RNF6: variants seen among roughly 807,000 people sequenced by gnomAD.
RNF6 encodes the protein ring finger protein 6.
Under a neutral mutation model 50.1 loss-of-function variants are expected in RNF6, and 21 were observed. That is an observed-to-expected ratio of 0.42 (90% CI 0.30 to 0.60). The LOEUF is 0.60. Among genes scored for constraint, RNF6 ranks in the 20% least tolerant of loss-of-function variants. The pLI, the probability that RNF6 is intolerant of heterozygous loss-of-function variation, is 0.20. For missense variants in RNF6, 698 were observed against 838.2 expected, an observed-to-expected ratio of 0.83 and a Z score of 2.07; for synonymous variants, 255 against 291.8, an observed-to-expected ratio of 0.87 and a Z score of 1.29.
chr13:26,215,316 G>A lies in RNF6; in HGVS notation c.566C>T (p.Ser189Leu), dbSNP rs1433949433. The A allele has an allele frequency of 9.3e-6, 15 of 1,614,182 alleles. No individual in the cohort carries two copies. Among genetic ancestry groups the A allele is most frequent in the East Asian group, 4.5e-5 (2 of 44,892 alleles). ...TGTTCGCCTAGCCACAGGACTAGTT[G>A]ACCTTTGTTGCCTATTTGCAGTATG... Reference protein sequence around the residue: ...RDHTANRQQRSTSPVARRTRS... With the variant: ...RDHTANRQQRLTSPVARRTRS... Residue 189 changes from serine to leucine, a missense_variant, in exon 5 of 5, where the codon TCA (serine) becomes TTA (leucine). Transcript: ENST00000381588.
In RNF6 at chr13:26,154,322, G is replaced by T. The variant is rs138254571; in HGVS notation, n.769-21871C>A. The stretch of plus-strand genomic sequence containing the variant: ...ACTGGTCCTTTTCTAGAGCTATTTT[G>T]TCTTTTTTTGAAAGTACTGACTGTT... On this transcript the variant is annotated intron_variant and non_coding_transcript_variant, in intron 5 of 5. Transcript: ENST00000468480. 390 of 152,292 alleles carry T rather than the reference G, an allele frequency of 2.6e-3. 5 individuals carry two copies. Among genetic ancestry groups the T allele is most frequent in the African/African-American group, 9.0e-3 (376 of 41,572 alleles). The allele number at this position is 152,292 out of a possible 1,614,324, so 9.4% of individuals were successfully genotyped here.
rs576067996 is a variant in RNF6 at position 26,175,556 on chromosome 13, C to T, written n.768+39918G>A. On this transcript the variant is annotated intron_variant and non_coding_transcript_variant, in intron 5 of 5. Coordinates refer to the RNF6 transcript ENST00000468480. ...ACTTCCTAAGGTAAAGCTTGTCCTACCTGTCTTTGGCGTCCTGGTTACCAT... is the reference window on the plus strand; with the variant it reads ...ACTTCCTAAGGTAAAGCTTGTCCTATCTGTCTTTGGCGTCCTGGTTACCAT... Among the ~76,000 whole-genome samples, 4 of 152,298 alleles carry T rather than the reference C, an allele frequency of 2.6e-5. No individual in the cohort carries two copies. In the South Asian group the frequency reaches 8.3e-4, roughly 32 times the overall value.
Position 26,148,823 on chromosome 13 carries a change from A to T in RNF6, n.769-16372T>A, listed in dbSNP as rs559066041. ...AGCTGGAAACTCAGGAAAGCTAATG[A>T]TGTAATTCCAGTCCAAAGGCCAGCA... On this transcript the variant is annotated intron_variant and non_coding_transcript_variant, in intron 5 of 5. Transcript: ENST00000468480. 3.4e-3 allele frequency among the ~76,000 whole-genome samples: 508 copies of T among 151,368 alleles called. 3 individuals carry two copies. The highest frequency in any genetic ancestry group is 5.6e-3 in the Non-Finnish European group (379 of 67,856).
At chr13:26,147,480 G>C (rs759681015) in intron 5 of RNF6, among the ~76,000 whole-genome samples, 4 of 152,230 alleles carry the variant, frequency 2.6e-5, no homozygotes, top group Admixed American at 2.0e-4. Flanking sequence ...TGGAGGAAGA[G>C]AGGCTTATAC....
chr13:26,155,525 G>A (rs1871871470), intron 5 of RNF6, among the ~76,000 whole-genome samples: 2 of 152,186 alleles, frequency 1.3e-5, no homozygotes, highest in South Asian at 4.1e-4. Context: ...ATATGAGTTA[G>A]GTATGGGTAT....
At chr13:26,188,429 A>G (rs1873656247) in intron 5 of RNF6, among the ~76,000 whole-genome samples, 1 of 152,260 alleles carries the variant, frequency 6.6e-6, no homozygotes, top group African/African-American at 2.4e-5. Context: ...TCACTGTTGA[A>G]TAACTACTGG....
At chr13:26,170,490 A>AT (rs1263824390) in intron 5 of RNF6, among the ~76,000 whole-genome samples, 1 of 53,992 alleles carries the variant, frequency 1.9e-5, no homozygotes, top group East Asian at 7.1e-4. Flanking sequence ...CTAACTATCC[A>AT]TGCGTGAAGA....
At chr13:26,217,936 G>A (rs760117257) in intron 4 of RNF6, among the ~76,000 whole-genome samples, 1 of 152,010 alleles carries the variant, frequency 6.6e-6, no homozygotes, top group Non-Finnish European at 1.5e-5. Context: ...TAGACTTCAT[G>A]GTAACTAATA....
chr13:26,186,493 C>A (rs1396025676), intron 5 of RNF6, among the ~76,000 whole-genome samples: 2 of 152,198 alleles, frequency 1.3e-5, no homozygotes, highest in African/African-American at 2.4e-5. Context: ...TGGCAGTCAG[C>A]GGAGACGCTT....
At chr13:26,176,483 G>A (rs776821059) in intron 5 of RNF6, among the ~76,000 whole-genome samples, 18 of 152,174 alleles carry the variant, frequency 1.2e-4, no homozygotes, top group Non-Finnish European at 1.5e-4. Context: ...GACTTTTTGG[G>A]GGATTGAATT....
intron 5 of RNF6, among the ~76,000 whole-genome samples, chr13:26,173,849 G>A (rs143775282): frequency 2.0e-5 from 3 of 151,506 alleles, no homozygotes; most frequent in African/African-American, 7.3e-5. Flanking sequence ...TACTCGGGAG[G>A]CTGAGGCAGG....
intron 5 of RNF6, among the ~76,000 whole-genome samples, chr13:26,143,620 G>C (rs1306498475): frequency 1.3e-5 from 2 of 152,142 alleles, no homozygotes; most frequent in Non-Finnish European, 2.9e-5. Context: ...CTCCTGGCTA[G>C]GGGAGAAACA....
At chr13:26,186,667 C>T (rs1359907440) in intron 5 of RNF6, among the ~76,000 whole-genome samples, 6 of 152,250 alleles carry the variant, frequency 3.9e-5, no homozygotes, top group African/African-American at 9.6e-5. Context: ...GGCGCTATAC[C>T]TTCGGCCACA....
At chr13:26,181,132 G>A (rs1479218196) in intron 5 of RNF6, among the ~76,000 whole-genome samples, 2 of 152,108 alleles carry the variant, frequency 1.3e-5, no homozygotes, top group African/African-American at 4.8e-5. Flanking sequence ...ACAAGGCACC[G>A]GACTAGATCC....
intron 5 of RNF6, among the ~76,000 whole-genome samples, chr13:26,150,131 A>T (rs892047497): frequency 1.3e-5 from 2 of 151,232 alleles, no homozygotes; most frequent in African/African-American, 4.9e-5. Flanking sequence ...AGTATTATAC[A>T]CTTGAAGTGT....
chr13:26,161,398 A>G (rs765730869), intron 5 of RNF6, among the ~76,000 whole-genome samples: 1 of 152,206 alleles, frequency 6.6e-6, no homozygotes, highest in Non-Finnish European at 1.5e-5. Context: ...TATGAACTGT[A>G]TGAATGGTTT....
chr13:26,207,808 C>T (rs1357415210), downstream of RNF6, among the ~76,000 whole-genome samples: 9 of 152,236 alleles, frequency 5.9e-5, 1 homozygote, highest in Middle Eastern at 3.2e-3. Context: ...GGCACTCCTG[C>T]TACCCATTCT....
At chr13:26,189,041 C>G (rs1294167972) in intron 5 of RNF6, among the ~76,000 whole-genome samples, 1 of 152,080 alleles carries the variant, frequency 6.6e-6, no homozygotes, top group African/African-American at 2.4e-5. Flanking sequence ...TCAAAATATT[C>G]CTAGTAGCCA....
At chr13:26,154,799 G>A (rs1035173215) in intron 5 of RNF6, among the ~76,000 whole-genome samples, 2 of 152,204 alleles carry the variant, frequency 1.3e-5, no homozygotes, top group Admixed American at 6.5e-5. Context: ...GGAGGCTGAA[G>A]TGGGTGGATC....
Sources: gnomAD v4.1 joint callset for allele counts (sites outside exome capture counted in the v4.1 genomes callset) on GRCh38, gnomAD v4.1.1 for gene constraint, MANE v1.5 for transcripts, NCBI Gene and HGNC (gene_info 2026-07-23, HGNC 2026-07-21) for gene names.